The following GBE1 variants were observed in gnomAD, a reference collection of about 807,000 sequenced individuals.
The protein encoded by GBE1 is 1,4-alpha-glucan branching enzyme 1.
Under a neutral mutation model 88.8 loss-of-function variants are expected in GBE1, and 70 were observed. The observed-to-expected ratio is 0.79, with a 90% CI of 0.65 to 0.96. The LOEUF (loss-of-function observed/expected upper bound fraction) is 0.96, where lower values mean the gene tolerates loss of function less well. Among genes scored for constraint, GBE1 ranks in the 40% least tolerant of loss-of-function variants. The probability of loss-of-function intolerance (pLI) is 0.00; values close to 1 mark genes in which losing one functional copy is unlikely to be tolerated. For synonymous variants in GBE1, 284 were observed against 300.1 expected, an observed-to-expected ratio of 0.95 and a Z score of 0.56; for missense variants, 872 against 871.0, an observed-to-expected ratio of 1.00 and a Z score of -0.01.
intron 1 of GBE1, among the ~76,000 whole-genome samples, chr3:81,705,929 G>A (rs1381287393): frequency 1.3e-5 from 2 of 152,082 alleles, no homozygotes; most frequent in Non-Finnish European, 2.9e-5. Flanking sequence ...TCAAGACAGT[G>A]TAATGGAACA....
intron 10 of GBE1, among the ~76,000 whole-genome samples, chr3:81,584,568 T>A (rs1016609882): frequency 6.6e-6 from 1 of 152,016 alleles, no homozygotes; most frequent in African/African-American, 2.4e-5. Flanking sequence ...TTACATAAAA[T>A]AGAAGATGAT....
intron 3 of GBE1, chr3:81,650,128 C>T: frequency 8.0e-6 from 3 of 376,640 alleles, no homozygotes; most frequent in Non-Finnish European, 1.4e-5. Flanking sequence ...AAGTAACTTC[C>T]AGCTTGAACA....
rs542459872 is a variant in GBE1, at chr3:81,552,025, A to G, written c.1619-14930T>C. Among the ~76,000 whole-genome samples, 58 of 152,346 alleles carry G rather than the reference A, an allele frequency of 3.8e-4. 1 individual carries two copies. Among genetic ancestry groups the G allele is most frequent in the Non-Finnish European group, 6.9e-4 (47 of 68,034 alleles). On this transcript the variant is annotated intron_variant, in intron 12 of 15. Coordinates refer to ENST00000429644, the MANE Select transcript of GBE1 (RefSeq NM_000158.4). Reference sequence around the variant, plus strand: ...GTCCTCCCCCTGATAAATTATGTGTAACATCTTGAAGTAATAGCTGAATGA... The same window carrying G: ...GTCCTCCCCCTGATAAATTATGTGTGACATCTTGAAGTAATAGCTGAATGA...
intron 2 of GBE1, among the ~76,000 whole-genome samples, chr3:81,679,297 T>A (rs1263081650): frequency 6.6e-6 from 1 of 152,198 alleles, no homozygotes; most frequent in Non-Finnish European, 1.5e-5. Context: ...GAATACAGAT[T>A]AACAAACTAC....
At chr3:81,751,362 TG>T (rs1373550596) in intron 1 of GBE1, among the ~76,000 whole-genome samples, 1 of 152,216 alleles carries the variant, frequency 6.6e-6, no homozygotes, top group Admixed American at 6.5e-5. Context: ...GAAGTTGTGA[TG>T]GATGAGACAA....
At position 81,750,553 on chromosome 3, in the gene GBE1, A is replaced by G. The variant is rs57921770; in HGVS notation, c.143+10822T>C. Among the ~76,000 whole-genome samples, 389 of 74,138 alleles carry G rather than the reference A, an allele frequency of 5.2e-3. 12 individuals are homozygous for G. Among genetic ancestry groups the G allele is most frequent in the East Asian group, 0.021 (35 of 1,668 alleles). The allele number at this position is 74,138 out of a possible 152,430, so 48.6% of individuals were successfully genotyped here. On this transcript the variant is annotated intron_variant, in intron 1 of 15. Coordinates refer to ENST00000429644, the MANE Select transcript of GBE1 (RefSeq NM_000158.4). ...TATATATATACGTATATATATATGT[A>G]TATATATATGTATATATATATACGT...
chr3:81,623,511 G>C (rs527386651), intron 7 of GBE1, among the ~76,000 whole-genome samples: 1 of 152,186 alleles, frequency 6.6e-6, no homozygotes, highest in Non-Finnish European at 1.5e-5. Context: ...CCTCACCAAA[G>C]TATAGGGCTG....
At chr3:81,711,140 G>A (rs917604340) in intron 1 of GBE1, among the ~76,000 whole-genome samples, 37 of 152,130 alleles carry the variant, frequency 2.4e-4, no homozygotes, top group African/African-American at 5.3e-4. Flanking sequence ...ACATCTCAGC[G>A]GAGATGGATC....
chr3:81,689,974 C>A (rs1705496383), intron 2 of GBE1, among the ~76,000 whole-genome samples: 1 of 152,170 alleles, frequency 6.6e-6, no homozygotes, highest in African/African-American at 2.4e-5. Context: ...ACTCACCCTT[C>A]AAATTGTCTG....
At chr3:81,496,651 TCAG>T in intron 15 of GBE1, among the ~76,000 whole-genome samples, 2 of 152,204 alleles carry the variant, frequency 1.3e-5, no homozygotes, top group African/African-American at 4.8e-5. Flanking sequence ...CACATATGAC[TCAG>T]TTTAATAAGG....
intron 2 of GBE1, among the ~76,000 whole-genome samples, chr3:81,698,815 GT>G (rs1245494799): frequency 1.3e-5 from 2 of 152,120 alleles, no homozygotes; most frequent in Non-Finnish European, 2.9e-5. Context: ...GCAAAAGTAA[GT>G]TCACTATGTC....
At chr3:81,576,742 G>T (rs1205722171) in intron 12 of GBE1, among the ~76,000 whole-genome samples, 6 of 148,842 alleles carry the variant, frequency 4.0e-5, no homozygotes, top group Admixed American at 4.0e-4. Flanking sequence ...GTCACTTCCT[G>T]GAAGGCTAGG....
intron 3 of GBE1, among the ~76,000 whole-genome samples, chr3:81,656,364 G>A (rs1364731536): frequency 3.3e-5 from 5 of 152,106 alleles, no homozygotes; most frequent in African/African-American, 9.7e-5. Flanking sequence ...GGATACTAGC[G>A]AAGGAATGCC....
intron 14 of GBE1, among the ~76,000 whole-genome samples, chr3:81,521,157 A>G (rs1380356552): frequency 6.6e-6 from 1 of 151,546 alleles, no homozygotes; most frequent in Non-Finnish European, 1.5e-5. Context: ...TTGATATACA[A>G]GATCTACAGG....
intron 7 of GBE1, among the ~76,000 whole-genome samples, chr3:81,614,280 A>G (rs967588134): frequency 2.6e-5 from 4 of 152,164 alleles, no homozygotes; most frequent in Non-Finnish European, 5.9e-5. Context: ...CTATATCTCA[A>G]TCTAATCTAG....
intron 14 of GBE1, among the ~76,000 whole-genome samples, chr3:81,518,582 T>C (rs1019891370): frequency 2.0e-5 from 3 of 151,020 alleles, no homozygotes; most frequent in African/African-American, 7.3e-5. Context: ...ACCAGGGAGG[T>C]GAGGGTACTG....
intron 13 of GBE1, 103 bp from the exon 14 acceptor site, chr3:81,535,428 T>C: frequency 9.1e-7 from 1 of 1,096,012 alleles, no homozygotes. Flanking sequence ...AAACCAAAAA[T>C]GAGTATTTCA....
chr3:81,645,586 G>A (rs1264029705), intron 6 of GBE1, among the ~76,000 whole-genome samples: 1 of 152,116 alleles, frequency 6.6e-6, no homozygotes, highest in Non-Finnish European at 1.5e-5. Flanking sequence ...TATTGAGGGA[G>A]AACTAATATA....
At chr3:81,574,564 G>GT (rs773157709) in intron 12 of GBE1, among the ~76,000 whole-genome samples, 1 of 152,070 alleles carries the variant, frequency 6.6e-6, no homozygotes, top group Non-Finnish European at 1.5e-5. Flanking sequence ...CATAAACCAT[G>GT]TATTTGTGGC....
Sources: gnomAD v4.1 joint callset for allele counts (sites outside exome capture counted in the v4.1 genomes callset) on GRCh38, gnomAD v4.1.1 for gene constraint, MANE v1.5 for transcripts, NCBI Gene and HGNC (gene_info 2026-07-23, HGNC 2026-07-21) for gene names.